CCDC148: variants seen among roughly 807,000 people sequenced by gnomAD.
CCDC148 encodes the protein coiled-coil domain-containing protein 148.
In CCDC148, 89 loss-of-function variants were observed where a neutral mutation model predicts 85.7. The observed-to-expected ratio is 1.04, with a 90% confidence interval of 0.87 to 1.24. The LOEUF (loss-of-function observed/expected upper bound fraction) is 1.24. Ranked by LOEUF, CCDC148 falls within the 50% of genes most tolerant of loss-of-function variation. The pLI, the probability that CCDC148 is intolerant of heterozygous loss-of-function variation, is 0.00. For synonymous variants in CCDC148, 230 were observed against 213.9 expected, an observed-to-expected ratio of 1.08 and a Z score of -0.66; for missense variants, 692 against 671.7, an observed-to-expected ratio of 1.03 and a Z score of -0.33.
intron 1 of CCDC148, among the ~76,000 whole-genome samples, chr2:158,365,845 G>A (rs1302094867): frequency 6.6e-6 from 1 of 152,060 alleles, no homozygotes; most frequent in African/African-American, 2.4e-5. Context: ...GACCACTGTT[G>A]AGGATTAACA....
chr2:158,261,124 C>G (rs1331164702), intron 9 of CCDC148, among the ~76,000 whole-genome samples: 1 of 152,066 alleles, frequency 6.6e-6, no homozygotes. Context: ...AACTATACTA[C>G]AGGGCTACAG....
intron 10 of CCDC148, among the ~76,000 whole-genome samples, chr2:158,242,612 A>C (rs190867784): frequency 1.4e-5 from 2 of 146,460 alleles, no homozygotes; most frequent in Non-Finnish European, 3.0e-5. Flanking sequence ...ATGGCCTTCC[A>C]CATCTGCTAC....
At chr2:158,269,025 G>A (rs1201259694) in intron 9 of CCDC148, among the ~76,000 whole-genome samples, 1 of 152,118 alleles carries the variant, frequency 6.6e-6, no homozygotes, top group Non-Finnish European at 1.5e-5. Context: ...AATGAACACA[G>A]AAGTGCAGCT....
chr2:158,416,841 C>T (rs1205390941), intron 1 of CCDC148, among the ~76,000 whole-genome samples: 1 of 152,164 alleles, frequency 6.6e-6, no homozygotes, highest in East Asian at 1.9e-4. Context: ...CATCCAGTCT[C>T]ACATTGCTAT....
At chr2:158,224,709 C>T (rs4664938) in intron 10 of CCDC148, among the ~76,000 whole-genome samples, 22,811 of 152,092 alleles carry the variant, frequency 0.15, 2,168 homozygotes, top group Middle Eastern at 0.21. Flanking sequence ...AACTAAGCTT[C>T]GTAAGTGAAG....
intron 1 of CCDC148, among the ~76,000 whole-genome samples, chr2:158,379,127 T>G (rs1684771942): frequency 6.6e-6 from 1 of 152,176 alleles, no homozygotes; most frequent in African/African-American, 2.4e-5. Flanking sequence ...AGAACACTCA[T>G]GATTTCTGGA....
intron 9 of CCDC148, among the ~76,000 whole-genome samples, chr2:158,273,021 T>C (rs2105164371): frequency 6.6e-6 from 1 of 152,314 alleles, no homozygotes; most frequent in South Asian, 2.1e-4. Context: ...GTGGATTCAC[T>C]TTTTCTTCTA....
At chr2:158,423,987 C>G (rs1686941174) in intron 1 of CCDC148, among the ~76,000 whole-genome samples, 1 of 152,158 alleles carries the variant, frequency 6.6e-6, no homozygotes, top group Non-Finnish European at 1.5e-5. Context: ...CACTGGCCAT[C>G]ATAGAAATGC....
intron 7 of CCDC148, 83 bp downstream of exon 7, chr2:158,338,643 G>A: frequency 1.1e-6 from 1 of 916,434 alleles, no homozygotes; most frequent in Non-Finnish European, 1.7e-6. Flanking sequence ...TAACTATACA[G>A]TAAGTTGGAA....
intron 1 of CCDC148, among the ~76,000 whole-genome samples, chr2:158,434,054 C>A (rs1687513822): frequency 6.6e-6 from 1 of 152,210 alleles, no homozygotes; most frequent in Admixed American, 6.5e-5. Flanking sequence ...CACAGCCTAT[C>A]TGAGCAAAAG....
intron 11 of CCDC148, among the ~76,000 whole-genome samples, chr2:158,212,563 A>G (rs116771877): frequency 0.024 from 3,595 of 152,250 alleles, 127 homozygotes; most frequent in African/African-American, 0.077. Flanking sequence ...TTAGAAAGGC[A>G]GCTGGCTCTA....
intron 1 of CCDC148, among the ~76,000 whole-genome samples, chr2:158,456,207 C>T (rs1401736280): frequency 1.3e-5 from 2 of 152,160 alleles, no homozygotes; most frequent in African/African-American, 4.8e-5. Flanking sequence ...TCATACAATC[C>T]GCCACCTCGT....
intron 9 of CCDC148, among the ~76,000 whole-genome samples, chr2:158,276,092 G>C (rs922872612): frequency 2.4e-4 from 37 of 152,236 alleles, no homozygotes; most frequent in African/African-American, 8.7e-4. Flanking sequence ...AGCTTTTCAA[G>C]AGTCTTCTCA....
At chr2:158,272,928 A>G (rs1192542460) in intron 9 of CCDC148, among the ~76,000 whole-genome samples, 3 of 152,246 alleles carry the variant, frequency 2.0e-5, no homozygotes, top group Admixed American at 6.5e-5. Flanking sequence ...TACATACAGC[A>G]TAACACCACA....
intron 7 of CCDC148, 54 bp from the exon 8 acceptor site, chr2:158,313,948 G>A (rs1484390241): frequency 3.2e-6 from 5 of 1,549,568 alleles, no homozygotes; most frequent in Non-Finnish European, 4.4e-6. Context: ...GAAATTTGAG[G>A]GACTCAAACT....
At chr2:158,310,597 T>C (rs533209651) in intron 8 of CCDC148, among the ~76,000 whole-genome samples, 65 of 144,718 alleles carry the variant, frequency 4.5e-4, no homozygotes, top group Non-Finnish European at 8.6e-4. Context: ...GGCTCCTCAC[T>C]TCTCAGACGG....
intron 9 of CCDC148, among the ~76,000 whole-genome samples, chr2:158,276,638 T>C (rs1303065529): frequency 6.6e-6 from 1 of 152,192 alleles, no homozygotes; most frequent in South Asian, 2.1e-4. Flanking sequence ...AGACTGGGCA[T>C]GAAGTTATCA....
At chr2:158,204,303 T>C (rs1179011402) in intron 11 of CCDC148, among the ~76,000 whole-genome samples, 1 of 152,210 alleles carries the variant, frequency 6.6e-6, no homozygotes, top group Non-Finnish European at 1.5e-5. Context: ...TATTTGATAC[T>C]CCTCCTATTG....
At chr2:158,395,763 C>CTAGAGCTA (rs1363566882) in intron 1 of CCDC148, among the ~76,000 whole-genome samples, 1 of 152,120 alleles carries the variant, frequency 6.6e-6, no homozygotes, top group Non-Finnish European at 1.5e-5. Flanking sequence ...CTGCCCCTTG[C>CTAGAGCTA]TAGAGCTATA....
Sources: allele counts gnomAD v4.1 joint callset (sites outside exome capture counted in the v4.1 genomes callset), GRCh38; gene constraint gnomAD v4.1.1; transcripts MANE v1.5; gene names NCBI Gene and HGNC (gene_info 2026-07-23, HGNC 2026-07-21).